Variants in FGF14 observed in about 807,000 individuals in gnomAD.
The protein encoded by FGF14 is fibroblast growth factor homologous factor 4.
In FGF14, 5 loss-of-function variants were observed where a neutral mutation model predicts 25.5. That is an observed-to-expected ratio of 0.20 (90% confidence interval 0.10 to 0.41). FGF14 has a LOEUF of 0.41. Among genes scored for constraint, FGF14 ranks in the 10% least tolerant of loss-of-function variants. FGF14 has a pLI of 1.00. For synonymous variants in FGF14, 138 were observed against 118.3 expected (o/e 1.17, Z -1.08); for missense variants, 222 against 320.1 (o/e 0.69, Z 2.34).
At chr13:102,342,192 C>CACTTTTCTGCAGGGGA (rs1461485509) in intron 1 of FGF14, among the ~76,000 whole-genome samples, 1 of 152,136 alleles carries the variant, frequency 6.6e-6, no homozygotes, top group East Asian at 1.9e-4. Context: ...GTTCCTGGGG[C>CACTTTTCTGCAGGGGA]ACTTTTCTGC....
intron 1 of FGF14, among the ~76,000 whole-genome samples, chr13:101,960,170 G>T (rs1402204772): frequency 2.0e-5 from 3 of 152,156 alleles, no homozygotes; most frequent in East Asian, 3.8e-4. Flanking sequence ...CTGGCCTTGA[G>T]AATTTTCTTT....
chr13:102,382,457 A>G (rs1019198805), intron 1 of FGF14, among the ~76,000 whole-genome samples: 2 of 152,062 alleles, frequency 1.3e-5, no homozygotes, highest in Non-Finnish European at 2.9e-5. Context: ...TACTACTATC[A>G]AAAAAACAGA....
chr13:101,974,766 A>G lies in FGF14; in HGVS notation c.209-99470T>C, dbSNP rs191374687. Among the ~76,000 whole-genome samples, 65 of 152,314 alleles carry G rather than the reference A, an allele frequency of 4.3e-4. No individual in the cohort carries two copies. In the East Asian group the frequency reaches 0.011, roughly 25 times the overall value. On this transcript the variant is annotated intron_variant, in intron 1 of 4. Coordinates refer to the FGF14 transcript ENST00000376131. ...AAACTAGTGAACCACAGGTAGTACA[A>G]AAAGAATTTTTCTTTGGATAATACG... is the stretch of plus-strand genomic sequence containing the variant.
At chr13:102,158,791 A>T (rs2140554264) in intron 1 of FGF14, among the ~76,000 whole-genome samples, 1 of 152,320 alleles carries the variant, frequency 6.6e-6, no homozygotes, top group South Asian at 2.1e-4. Flanking sequence ...ATAGACCAGG[A>T]AACTACTATA....
chr13:102,087,133 G>T (rs1376367814), intron 1 of FGF14, among the ~76,000 whole-genome samples: 2 of 152,156 alleles, frequency 1.3e-5, no homozygotes, highest in African/African-American at 4.8e-5. Flanking sequence ...TAGCTGGTTT[G>T]GGAAATAGGT....
chr13:102,049,578 A>G (rs1190854749), intron 1 of FGF14, among the ~76,000 whole-genome samples: 1 of 152,214 alleles, frequency 6.6e-6, no homozygotes, highest in Non-Finnish European at 1.5e-5. Flanking sequence ...CTCCTCATTC[A>G]TATATTAAGG....
chr13:102,194,227 T>C lies in FGF14; in HGVS notation c.208+207244A>G, dbSNP rs561818016. Among the ~76,000 whole-genome samples the C allele has an allele frequency of 4.6e-5, 7 of 152,220 alleles. No individual in the cohort carries two copies. The South Asian group carries it at 8.3e-4, about 18-fold the overall frequency. On this transcript the variant is annotated intron_variant, in intron 1 of 4. Transcript: ENST00000376131. ...AGAGCTTAAAACATATTAAAATACA[T>C]ATTAAATACACATTAAAATGTATTG...
At chr13:102,176,951 T>A (rs747457143) in intron 1 of FGF14, among the ~76,000 whole-genome samples, 5 of 152,176 alleles carry the variant, frequency 3.3e-5, no homozygotes, top group African/African-American at 4.8e-5. Flanking sequence ...CATTATTAGA[T>A]CAGTGCTTAC....
intron 1 of FGF14, among the ~76,000 whole-genome samples, chr13:102,289,974 G>A (rs1482898432): frequency 2.0e-5 from 3 of 151,742 alleles, no homozygotes; most frequent in East Asian, 1.9e-4. Context: ...AGCCTGAGAG[G>A]GTTATTCTAT....
chr13:101,819,557 A>T (rs2042010990), intron 3 of FGF14, among the ~76,000 whole-genome samples: 1 of 152,232 alleles, frequency 6.6e-6, no homozygotes, highest in Admixed American at 6.5e-5. Context: ...AAAATGAATT[A>T]TATGGCGTAA....
chr13:101,987,271 C>T (rs933410286), intron 1 of FGF14, among the ~76,000 whole-genome samples: 1 of 152,248 alleles, frequency 6.6e-6, no homozygotes, highest in Non-Finnish European at 1.5e-5. Context: ...GCGCCCTGCT[C>T]TCCTATCAGT....
chr13:102,275,234 T>TTC (rs938286146), intron 1 of FGF14, among the ~76,000 whole-genome samples: 1,738 of 67,452 alleles, frequency 0.026, 40 homozygotes, highest in South Asian at 0.085. Context: ...TTAGGCAGAT[T>TTC]TCTCTCTCTC....
In FGF14 at chr13:101,943,810, C is replaced by CT. The variant is rs1453672566; in HGVS notation, c.209-68515dup. Among the ~76,000 whole-genome samples, 6 of 102,176 alleles carry CT rather than the reference C, an allele frequency of 5.9e-5. 1 individual carries two copies. The highest frequency in any genetic ancestry group is 5.2e-4 in the African/African-American group (6 of 11,626). The allele number at this position is 102,176 out of a possible 152,430, so 67.0% of individuals were successfully genotyped here. ...CCAACATGGAGAATCCCTGTCTCTA[C>CT]TTAAAAAAAAAAAAAAATATATATA... On this transcript the variant is annotated intron_variant, in intron 1 of 4. Transcript: ENST00000376131.
At chr13:102,025,217 A>G (rs1426857864) in intron 1 of FGF14, among the ~76,000 whole-genome samples, 1 of 151,896 alleles carries the variant, frequency 6.6e-6, no homozygotes, top group Non-Finnish European at 1.5e-5. Context: ...TCAAACTCTA[A>G]AAATAAAATG....
intron 1 of FGF14, among the ~76,000 whole-genome samples, chr13:102,200,006 C>G (rs950465605): frequency 6.6e-6 from 1 of 152,152 alleles, no homozygotes; most frequent in Non-Finnish European, 1.5e-5. Flanking sequence ...CATCCAGAGA[C>G]AGGTGTTAAA....
At chr13:101,806,393 T>C (rs1311985001) in intron 3 of FGF14, among the ~76,000 whole-genome samples, 1 of 143,680 alleles carries the variant, frequency 7.0e-6, no homozygotes, top group Non-Finnish European at 1.5e-5. Context: ...CACACCAGCC[T>C]GGGTGACAGA....
chr13:102,149,679 T>C (rs1410637540), intron 1 of FGF14, among the ~76,000 whole-genome samples: 3 of 151,924 alleles, frequency 2.0e-5, no homozygotes, highest in Non-Finnish European at 2.9e-5. Flanking sequence ...GAAGCTGAAG[T>C]TGGGGGGAGT....
chr13:102,260,815 C>T (rs540405112), intron 1 of FGF14, among the ~76,000 whole-genome samples: 2 of 152,310 alleles, frequency 1.3e-5, no homozygotes, highest in Admixed American at 6.5e-5. Flanking sequence ...ATCCTGTTTC[C>T]GTGCTTAAAG....
intron 1 of FGF14, among the ~76,000 whole-genome samples, chr13:102,112,345 C>A (rs1267828008): frequency 6.6e-6 from 1 of 152,036 alleles, no homozygotes; most frequent in African/African-American, 2.4e-5. Flanking sequence ...TCAGGTCCCC[C>A]GCCTTCTCCA....
Sources: gnomAD v4.1 joint callset for allele counts (sites outside exome capture counted in the v4.1 genomes callset) on GRCh38, gnomAD v4.1.1 for gene constraint, MANE v1.5 for transcripts, NCBI Gene and HGNC (gene_info 2026-07-23, HGNC 2026-07-21) for gene names.